NEBL: variants seen among roughly 807,000 people sequenced by gnomAD.
NEBL encodes LIM and SH3 protein 2.
In NEBL, 122 loss-of-function variants were observed where a neutral mutation model predicts 140.2. The observed-to-expected ratio is 0.87, with a 90% CI of 0.75 to 1.01. The LOEUF (loss-of-function observed/expected upper bound fraction) is 1.01. Ranked by LOEUF, NEBL falls within the 50% of genes least tolerant of loss-of-function variation. NEBL has a pLI of 0.00. For synonymous variants in NEBL, 436 were observed against 398.9 expected (o/e 1.09, Z -1.11); for missense variants, 1,365 against 1,231.3 (o/e 1.11, Z -1.62).
chr10:21,272,850 G>A (rs927104790), intron 1 of NEBL, among the ~76,000 whole-genome samples: 1 of 151,752 alleles, frequency 6.6e-6, no homozygotes. Flanking sequence ...TGCATTTTTT[G>A]CTTTATTGAT....
At chr10:21,080,187 G>A (rs74121008) in intron 2 of NEBL, among the ~76,000 whole-genome samples, 2,049 of 152,290 alleles carry the variant, frequency 0.013, 45 homozygotes, top group African/African-American at 0.046. Context: ...TAATGAAAGC[G>A]ATTTCTTAAC....
chr10:21,188,561 A>G (rs925141795), intron 3 of NEBL, among the ~76,000 whole-genome samples: 1 of 151,976 alleles, frequency 6.6e-6, no homozygotes, highest in Non-Finnish European at 1.5e-5. Context: ...ACATGCAAAA[A>G]TGAAATTTAA....
chr10:20,835,163 C>T (rs1014800239), intron 14 of NEBL, among the ~76,000 whole-genome samples: 6 of 152,234 alleles, frequency 3.9e-5, no homozygotes, highest in Admixed American at 3.9e-4. Flanking sequence ...ACAGATATGC[C>T]AAGCAGCACA....
At chr10:20,905,927 C>T (rs1013215538) in intron 4 of NEBL, among the ~76,000 whole-genome samples, 13 of 152,226 alleles carry the variant, frequency 8.5e-5, no homozygotes, top group African/African-American at 2.6e-4. Context: ...TATAACAATT[C>T]CTAGTCAATT....
At chr10:20,972,833 G>A (rs1038577071) in intron 3 of NEBL, among the ~76,000 whole-genome samples, 2 of 152,016 alleles carry the variant, frequency 1.3e-5, no homozygotes, top group Admixed American at 6.6e-5. Flanking sequence ...CAGACAGCAT[G>A]GATCTCAAAA....
At chr10:20,911,941 T>C (rs1848348047) in intron 4 of NEBL, among the ~76,000 whole-genome samples, 1 of 152,240 alleles carries the variant, frequency 6.6e-6, no homozygotes, top group Admixed American at 6.5e-5. Flanking sequence ...CAAAAATTTC[T>C]TGGCAGTTTG....
At chr10:20,862,037 C>G (rs1843753518) in intron 7 of NEBL, among the ~76,000 whole-genome samples, 2 of 152,078 alleles carry the variant, frequency 1.3e-5, no homozygotes, top group Non-Finnish European at 2.9e-5. Flanking sequence ...TTGAACATCT[C>G]ATATAATTTG....
intron 3 of NEBL, among the ~76,000 whole-genome samples, chr10:21,180,862 G>A (rs1841376034): frequency 6.6e-6 from 1 of 152,114 alleles, no homozygotes; most frequent in African/African-American, 2.4e-5. Flanking sequence ...GGCAAGAAAG[G>A]GAGGTAGGAT....
chr10:21,143,466 A>AT (rs1275598463), intron 2 of NEBL, among the ~76,000 whole-genome samples: 1 of 151,446 alleles, frequency 6.6e-6, no homozygotes, highest in East Asian at 1.9e-4. Flanking sequence ...AAAAAAAAAA[A>AT]AAAAATCAAA....
At chr10:21,011,400 G>GAACTAAATTT (rs1838333209) in intron 3 of NEBL, among the ~76,000 whole-genome samples, 1 of 152,220 alleles carries the variant, frequency 6.6e-6, no homozygotes, top group Non-Finnish European at 1.5e-5. Context: ...GAAGTGGAAA[G>GAACTAAATTT]AACTAAATTT....
At chr10:21,282,256 C>A (rs931324461) in intron 1 of NEBL, among the ~76,000 whole-genome samples, 1 of 152,088 alleles carries the variant, frequency 6.6e-6, no homozygotes, top group Non-Finnish European at 1.5e-5. Flanking sequence ...GAGCTCTCTG[C>A]GGGGGTAGAG....
At chr10:21,088,907 C>G (rs1836777610) in intron 2 of NEBL, among the ~76,000 whole-genome samples, 1 of 152,184 alleles carries the variant, frequency 6.6e-6, no homozygotes, top group Admixed American at 6.5e-5. Context: ...GAACTGCCCT[C>G]TGCCGTGAGG....
chr10:21,156,361 G>A (rs1424194183), intron 2 of NEBL, among the ~76,000 whole-genome samples: 2 of 152,194 alleles, frequency 1.3e-5, no homozygotes, highest in Non-Finnish European at 2.9e-5. Context: ...TGAAAGCTAG[G>A]ATCTGATTAT....
chr10:21,196,553 C>T (rs997939327), intron 3 of NEBL, among the ~76,000 whole-genome samples: 2 of 151,802 alleles, frequency 1.3e-5, no homozygotes, highest in African/African-American at 2.4e-5. Context: ...CAATGTTGGC[C>T]AGGCTGGTCT....
intron 1 of NEBL, among the ~76,000 whole-genome samples, chr10:21,278,597 A>G (rs1420668322): frequency 6.6e-6 from 1 of 151,882 alleles, no homozygotes; most frequent in Admixed American, 6.6e-5. Context: ...TCCAACAGAG[A>G]CTCTCCACCT....
At chr10:21,034,828 G>A (rs1268648196) in intron 2 of NEBL, among the ~76,000 whole-genome samples, 1 of 152,004 alleles carries the variant, frequency 6.6e-6, no homozygotes, top group Non-Finnish European at 1.5e-5. Flanking sequence ...AAGTTCCAGG[G>A]TACATGTGCA....
intron 6 of NEBL, 60 bp from the exon 7 acceptor site, chr10:20,868,825 G>C: frequency 1.9e-6 from 2 of 1,058,976 alleles, no homozygotes; most frequent in Non-Finnish European, 2.7e-6. Flanking sequence ...GAACTACATT[G>C]ACATTAGCCA....
Position 20,859,816 on chromosome 10 carries a change from T to G in NEBL, c.695A>C (p.Lys232Thr). 6.7e-7 allele frequency: 1 copy of G among 1,484,652 alleles called. No homozygotes were observed. The highest frequency in any genetic ancestry group is 2.3e-5 in the East Asian group (1 of 43,980). 92.0% of individuals were successfully genotyped at this position (1,484,652 alleles called of 1,614,324 possible). The change falls in exon 8 of 28, where the codon AAA becomes ACA. Residue 232 changes from lysine (K) to threonine (T), a missense_variant. Physicochemically the swap from Lys to Thr is moderately conservative, Grantham distance 78. This residue lies in a region of NEBL where 1,323 missense variants were observed against 1,154.8 expected (regional missense o/e 1.15). Coordinates refer to ENST00000377122, the MANE Select transcript of NEBL (RefSeq NM_006393.3). The part of the protein sequence containing the change: ...ASKLSSQIKY[K>T]EKFDNEMKDK... ...CTTCATTTCATTATCAAATTTTTCT[T>G]TGTATTTAATCTGTCATAAAAGAGA... is the stretch of plus-strand genomic sequence containing the variant.
chr10:21,024,454 T>C (rs1838938267), intron 2 of NEBL, among the ~76,000 whole-genome samples: 2 of 151,532 alleles, frequency 1.3e-5, no homozygotes, highest in South Asian at 2.1e-4. Flanking sequence ...AACCTGAGGA[T>C]TGGGGGATTC....
Sources: allele counts gnomAD v4.1 joint callset (sites outside exome capture counted in the v4.1 genomes callset), GRCh38; gene constraint gnomAD v4.1.1; regional missense constraint gnomAD v4.1.1; transcripts MANE v1.5; gene names NCBI Gene and HGNC (gene_info 2026-07-23, HGNC 2026-07-21).